Variants in NOTCH4 observed in about 807,000 individuals in gnomAD.
The protein encoded by NOTCH4 is neurogenic locus notch homolog protein 4.
Under a neutral mutation model 189.0 loss-of-function variants are expected in NOTCH4, and 138 were observed. The ratio of observed to expected loss-of-function variants is 0.73; its 90% CI spans 0.64 to 0.84. NOTCH4 has a LOEUF of 0.84. Ranked by LOEUF, NOTCH4 falls within the 40% of genes least tolerant of loss-of-function variation. The pLI is 0.00. For missense variants in NOTCH4, 2,286 were observed against 2,605.4 expected, an observed-to-expected ratio of 0.88 and a Z score of 2.67; for synonymous variants, 942 against 1,032.8, an observed-to-expected ratio of 0.91 and a Z score of 1.69.
At position 32,218,019 on chromosome 6, in the gene NOTCH4, C is replaced by T. The variant is rs8192591; in HGVS notation, c.1600G>A (p.Gly534Ser). The change falls in exon 9 of 30, where the codon GGC becomes AGC. Residue 534 changes from glycine to serine, a missense_variant. Coordinates refer to ENST00000375023, the MANE Select transcript of NOTCH4 (RefSeq NM_004557.4). ...CCAGGCAGGCAGATGCACTGGAAGC[C>T]GTTGAGCAGGTCATGGCAATCCGCG... ...NHADCHDLLN[G>S]FQCICLPGFS... The T allele has an allele frequency of 0.033, 52,511 of 1,613,200 alleles. 1,087 individuals are homozygous for T. Among genetic ancestry groups the T allele is most frequent in the South Asian group, 0.052 (4,688 of 90,998 alleles).
chr6:32,222,630 C>T lies in NOTCH4; in HGVS notation c.332G>A (p.Gly111Asp). The change falls in exon 3 of 30, where the codon GGT (glycine) becomes GAT (aspartate). Residue 111 changes from glycine to aspartate, a missense_variant. By Grantham distance (94) the Gly-to-Asp change is moderately conservative. Transcript: ENST00000375023. ...FLCTCLPGFTGERCQAKLEDP... is the reference protein window; with the variant it reads ...FLCTCLPGFTDERCQAKLEDP... ...TTCAAGCTTGGCCTGGCATCTCTCACCAGTGAAGCCAGGGAGGCAAGTGCA... is the reference window on the plus strand; with the variant it reads ...TTCAAGCTTGGCCTGGCATCTCTCATCAGTGAAGCCAGGGAGGCAAGTGCA... 6.2e-7 allele frequency: 1 copy of T among 1,606,272 alleles called. No homozygotes were observed. The highest frequency in any genetic ancestry group is 8.5e-7 in the Non-Finnish European group (1 of 1,177,602).
rs553085527 is a variant in NOTCH4 at position 32,217,770 on chromosome 6, AGGGATCTTTGG to A, written c.1624+214_1624+224del. ...AGGCTGTGCAGGAGGACTGGAAAGG[AGGGATCTTTGG>A]GTGATTTGGTAGGACAGAGATGAGA... On this transcript the variant is annotated intron_variant, in intron 9 of 29. Transcript: ENST00000375023. The surrounding 1 kb of genome is among the most constrained non-coding windows in gnomAD (Gnocchi z 4.2). Among the ~76,000 whole-genome samples, 13 of 152,216 alleles carry A rather than the reference AGGGATCTTTGG, an allele frequency of 8.5e-5. No homozygotes were observed. In the East Asian group the frequency reaches 2.1e-3, roughly 25 times the overall value.
Position 32,217,005 on chromosome 6 carries a change from C to A in NOTCH4, c.1801G>T (p.Gly601Ter), listed in dbSNP as rs1196526046. The A allele has an allele frequency of 2.5e-6, 4 of 1,613,014 alleles. No homozygotes were observed. The African/African-American group carries it at 5.3e-5, about 22-fold the overall frequency. Residue 601 changes from glycine to a stop codon, truncating the protein, a stop_gained, in exon 11 of 30, where the codon GGA becomes TGA. Transcript: ENST00000375023. LOFTEE classifies it high-confidence loss of function. This position sits in a 1 kb window ranked among gnomAD's most constrained non-coding sequence, Gnocchi z 4.2. ...CCTGGAAGATCAAGGCAGCTGGCTCCAACGGGACATGGGTCACTCAGGCAC... is the reference window on the plus strand; with the variant it reads ...CCTGGAAGATCAAGGCAGCTGGCTCAAACGGGACATGGGTCACTCAGGCAC... ...DECLSDPCPV[G>*]ASCLDLPGAF...
intron 15 of NOTCH4, 64 bp downstream of exon 15, chr6:32,213,071 T>C: frequency 1.5e-6 from 2 of 1,313,588 alleles, no homozygotes; most frequent in Non-Finnish European, 2.2e-6. Flanking sequence ...CAGGGGGAGA[T>C]GAGAGGAGGG....
chr6:32,197,970 C>T (rs1561913649), intron 26 of NOTCH4, among the ~76,000 whole-genome samples: 3 of 152,108 alleles, frequency 2.0e-5, no homozygotes, highest in African/African-American at 4.8e-5. Context: ...TACAGGCTCC[C>T]GCCACCACGC....
In NOTCH4 at chr6:32,195,544, G is replaced by A; in HGVS notation, c.5905C>T (p.Pro1969Ser). The A allele has an allele frequency of 6.2e-7, 1 of 1,613,130 alleles. No individual in the cohort carries two copies. Among genetic ancestry groups the A allele is most frequent in the Non-Finnish European group, 8.5e-7 (1 of 1,180,036 alleles). Residue 1969 changes from proline (P) to serine (S), a missense_variant, in exon 30 of 30, where the codon CCT becomes TCT. Coordinates refer to ENST00000375023, the MANE Select transcript of NOTCH4 (RefSeq NM_004557.4). The surrounding 1 kb of genome is among the most constrained non-coding windows in gnomAD (Gnocchi z 5.4). Reference sequence around the variant, plus strand: ...TCCGGGGACGGAGTAAGGCAAGGAGGCGGGATCGGAATGTTGGAGGCAGAA... The same window carrying A: ...TCCGGGGACGGAGTAAGGCAAGGAGACGGGATCGGAATGTTGGAGGCAGAA... ...CGSASNIPIP[P>S]PCLTPSPERG...
In NOTCH4 at chr6:32,196,122, C is replaced by A; in HGVS notation, c.5327G>T (p.Arg1776Leu). ...CTGGGCTACTTCCACCGCTCCTTCC[C>A]GCGCCGCCAGGAATAGCGGCGTCTG... ...REQTPLFLAA[R>L]EGAVEVAQLL... Residue 1776 changes from arginine to leucine, a missense_variant, in exon 30 of 30, where the codon CGG becomes CTG. Physicochemically the swap from Arg to Leu is moderately radical, Grantham distance 102. Coordinates refer to ENST00000375023, the MANE Select transcript of NOTCH4 (RefSeq NM_004557.4). The A allele has an allele frequency of 6.3e-7, 1 of 1,589,498 alleles. No individual in the cohort carries two copies.
At position 32,197,806 on chromosome 6, in the gene NOTCH4, G is replaced by A. The variant is rs9267820; in HGVS notation, c.4757-212C>T. ...CAGCTTAATTCTCTGACATTCCAGG[G>A]CAGTGGTTTTCTCTTTTTTTTTTTT... On this transcript the variant is annotated intron_variant, in intron 26 of 29. Coordinates refer to ENST00000375023, the MANE Select transcript of NOTCH4 (RefSeq NM_004557.4). Among the ~76,000 whole-genome samples, 39,940 of 150,294 alleles carry A rather than the reference G, an allele frequency of 0.27. 5,672 individuals carry two copies. Among genetic ancestry groups the A allele is most frequent in the Middle Eastern group, 0.41 (118 of 288 alleles).
chr6:32,223,651 C>G (rs115601017), intron 1 of NOTCH4, among the ~76,000 whole-genome samples: 5,886 of 152,066 alleles, frequency 0.039, 300 homozygotes, highest in African/African-American at 0.12. Flanking sequence ...ACCCATCCCC[C>G]AGCAGTCACC....
rs1025903605 is a variant in NOTCH4 at position 32,210,480 on chromosome 6, G to C, written c.2865+272C>G. Among the ~76,000 whole-genome samples, 1 of 152,212 alleles carries C rather than the reference G, an allele frequency of 6.6e-6. No individual in the cohort carries two copies. The highest frequency in any genetic ancestry group is 2.1e-4 in the South Asian group (1 of 4,836). ...CTATAGAAGGACAAGTGTGGAGGCA[G>C]AGACTGTAGTTAGGAGGCTGATGCA... On this transcript the variant is annotated intron_variant, in intron 18 of 29. Transcript: ENST00000375023. This position sits in a 1 kb window ranked among gnomAD's most constrained non-coding sequence, Gnocchi z 4.8.
At position 32,195,534 on chromosome 6, in the gene NOTCH4, A is replaced by C. The variant is rs755199327; in HGVS notation, c.5915T>G (p.Leu1972Arg). 6.2e-7 allele frequency: 1 copy of C among 1,613,086 alleles called. No individual in the cohort carries two copies. Among genetic ancestry groups the C allele is most frequent in the East Asian group, 2.2e-5 (1 of 44,878 alleles). The change falls in exon 30 of 30, where the codon CTT (leucine) becomes CGT (arginine). Residue 1972 changes from leucine to arginine, a missense_variant. This residue lies in a region of NOTCH4 where 383 missense variants were observed against 343.5 expected (regional missense o/e 1.11). Coordinates refer to ENST00000375023, the MANE Select transcript of NOTCH4 (RefSeq NM_004557.4). This position sits in a 1 kb window ranked among gnomAD's most constrained non-coding sequence, Gnocchi z 5.4. ...TGATCCCCGCTCCGGGGACGGAGTAAGGCAAGGAGGCGGGATCGGAATGTT... is the reference window on the plus strand; with the variant it reads ...TGATCCCCGCTCCGGGGACGGAGTACGGCAAGGAGGCGGGATCGGAATGTT... ...ASNIPIPPPC[L>R]TPSPERGSPQ...
In NOTCH4 at chr6:32,198,798, A is replaced by G; in HGVS notation, c.4536-68T>C. On this transcript the variant is annotated intron_variant, in intron 24 of 29. Coordinates refer to ENST00000375023, the MANE Select transcript of NOTCH4 (RefSeq NM_004557.4). This position sits in a 1 kb window ranked among gnomAD's most constrained non-coding sequence, Gnocchi z 5.5. ...CATCAGGGTCTCCAAAATTTCCAGC[A>G]GGCTTCCCACCCCTCTCTCCTTCCC... The G allele has an allele frequency of 1.3e-6, 2 of 1,517,474 alleles. No individual in the cohort carries two copies. Among genetic ancestry groups the G allele is most frequent in the Non-Finnish European group, 1.8e-6 (2 of 1,123,418 alleles). The allele number at this position is 1,517,474 out of a possible 1,614,324, so 94.0% of individuals were successfully genotyped here.
In NOTCH4 at chr6:32,202,439, G is replaced by A. The variant is rs757487459; in HGVS notation, c.3392C>T (p.Pro1131Leu). 4.3e-5 allele frequency: 69 copies of A among 1,612,188 alleles called. No individual in the cohort carries two copies. The highest frequency in any genetic ancestry group is 5.7e-5 in the Non-Finnish European group (67 of 1,179,718). The change falls in exon 21 of 30, where the codon CCT (proline) becomes CTT (leucine). Residue 1131 changes from proline to leucine, a missense_variant. Coordinates refer to ENST00000375023, the MANE Select transcript of NOTCH4 (RefSeq NM_004557.4). The surrounding 1 kb of genome is among the most constrained non-coding windows in gnomAD (Gnocchi z 5.7). The part of the protein sequence containing the change: ...GGPDCLTPPA[P>L]KGCGPPSPCL... ...TGGGGAGGGAGGGCCACAGCCTTTA[G>A]GAGCTGGTGGGGTCAGGCAGTCAGG...
chr6:32,220,832 G>T lies in NOTCH4; in HGVS notation c.846C>A (p.Ser282Arg). The change falls in exon 5 of 30, where the codon AGC (serine) becomes AGA (arginine). Residue 282 changes from serine to arginine, a missense_variant. Coordinates refer to ENST00000375023, the MANE Select transcript of NOTCH4 (RefSeq NM_004557.4). Reference sequence around the variant, plus strand: ...AAGTGCCCCCATTCTGACACTGGTGGCTGACACAGTTGTCTGGATTCACCT... The same window carrying T: ...AAGTGCCCCCATTCTGACACTGGTGTCTGACACAGTTGTCTGGATTCACCT... ...DCEVNPDNCV[S>R]HQCQNGGTCQ... The T allele has an allele frequency of 6.2e-7, 1 of 1,614,098 alleles. No homozygotes were observed.
chr6:32,218,501 A>G (rs1789557988), intron 8 of NOTCH4, among the ~76,000 whole-genome samples: 1 of 152,272 alleles, frequency 6.6e-6, no homozygotes, highest in Non-Finnish European at 1.5e-5. Context: ...CCTCCATGCT[A>G]GGGAGAACAG....
At position 32,198,460 on chromosome 6, in the gene NOTCH4, A is replaced by C. The variant is rs758943873; in HGVS notation, c.4717T>G (p.Ser1573Ala). 1.4e-5 allele frequency: 22 copies of C among 1,612,554 alleles called. No individual in the cohort carries two copies. Among genetic ancestry groups the C allele is most frequent in the Non-Finnish European group, 1.9e-5 (22 of 1,179,942 alleles). ...QAAMLTPPQESEMEAPDLDTR... is the reference protein window; with the variant it reads ...QAAMLTPPQEAEMEAPDLDTR... ...TCCAGGTCAGGGGCTTCCATCTCAG[A>C]TTCCTGGGGAGGAGTTAGCATGGCT... The change falls in exon 26 of 30, where the codon TCT becomes GCT. Residue 1573 changes from serine to alanine, a missense_variant. Around this residue, in one of 2 missense-constraint regions of NOTCH4, gnomAD observed 1,903 missense variants for 2,261.9 expected, o/e 0.84. Transcript: ENST00000375023. The surrounding 1 kb of genome is among the most constrained non-coding windows in gnomAD (Gnocchi z 5.5).
Position 32,221,102 on chromosome 6 carries a change from C to A in NOTCH4, c.675G>T (p.Gly225=). The change falls in exon 4 of 30, where the codon GGG becomes GGT. Residue 225 remains glycine, a synonymous_variant. Transcript: ENST00000375023. The surrounding 1 kb of genome is among the most constrained non-coding windows in gnomAD (Gnocchi z 4.3). The part of the protein sequence containing the change: ...LGSFQCLCPV[G]QEGPRCELRA... ...GCAGCTCACAACGTGGACCCTCCTG[C>A]CCCACAGGGCAGAGGCACTGGAAGG... 1.2e-6 allele frequency: 2 copies of A among 1,613,056 alleles called. No homozygotes were observed. Among genetic ancestry groups the A allele is most frequent in the Non-Finnish European group, 8.5e-7 (1 of 1,180,002 alleles).
At chr6:32,223,776 G>T in intron 1 of NOTCH4, 80 bp downstream of exon 1, 2 of 1,415,056 alleles carry the variant, frequency 1.4e-6, no homozygotes, top group Non-Finnish European at 1.9e-6. Flanking sequence ...ACGGCCTGGG[G>T]CTTGGCCCTC....
chr6:32,209,652 C>T (rs9267830), intron 18 of NOTCH4, among the ~76,000 whole-genome samples: 40,656 of 151,906 alleles, frequency 0.27, 5,790 homozygotes, highest in Middle Eastern at 0.41. Flanking sequence ...GCAGGCTGAG[C>T]GGGTGGATCA....
Sources: allele counts gnomAD v4.1 joint callset (sites outside exome capture counted in the v4.1 genomes callset), GRCh38; gene constraint gnomAD v4.1.1; regional missense constraint gnomAD v4.1.1; non-coding constraint Gnocchi (gnomAD v3.1); transcripts MANE v1.5; gene names NCBI Gene and HGNC (gene_info 2026-07-23, HGNC 2026-07-21).